LARS1: variants seen among roughly 807,000 people sequenced by gnomAD.
LARS1 encodes the protein leucine--tRNA ligase, cytoplasmic.
LARS1 carries 100 observed loss-of-function variants against 162.8 expected under a neutral mutation model. The observed-to-expected ratio is 0.61, with a 90% confidence interval of 0.52 to 0.73. The LOEUF (loss-of-function observed/expected upper bound fraction) is 0.73, where lower values mean the gene tolerates loss of function less well. Among genes scored for constraint, LARS1 ranks in the 30% least tolerant of loss-of-function variants. The pLI, the probability that LARS1 is intolerant of heterozygous loss-of-function variation, is 0.00. For synonymous variants in LARS1, 457 were observed against 462.8 expected (o/e 0.99, Z 0.16); for missense variants, 1,258 against 1,408.9 (o/e 0.89, Z 1.71).
In LARS1 at chr5:146,160,452, A is replaced by T. The variant is rs1466422858; in HGVS notation, c.629T>A (p.Val210Asp). ...DWRRSFITTD[V>D]NPYYDSFVRW... ...GACAAATGAATCATAGTAAGGATTA[A>T]CATCAGTGGTGATGAAGGAACGACG... Residue 210 changes from valine (V) to aspartate (D), a missense_variant, in exon 7 of 32, where the codon GTT (valine) becomes GAT (aspartate). Physicochemically the swap from Val to Asp is radical, Grantham distance 152. Transcript: ENST00000394434. 1.9e-6 allele frequency: 3 copies of T among 1,577,780 alleles called. No homozygotes were observed. The highest frequency in any genetic ancestry group is 3.9e-5 in the Admixed American group (2 of 51,432).
intron 7 of LARS1, among the ~76,000 whole-genome samples, 175 bp from the exon 8 acceptor site, chr5:146,159,645 A>G (rs1375387291): frequency 6.6e-6 from 1 of 152,088 alleles, no homozygotes; most frequent in African/African-American, 2.4e-5. Context: ...TACTTATTTA[A>G]TGAAAGCTTT....
At chr5:146,161,336 C>T (rs1753767715) in intron 6 of LARS1, among the ~76,000 whole-genome samples, 1 of 152,138 alleles carries the variant, frequency 6.6e-6, no homozygotes, top group East Asian at 1.9e-4. Context: ...ACTAAGACAA[C>T]AATGAAGTTT....
Position 146,113,664 on chromosome 5 carries a change from T to TAA in LARS1, c.*440_*441dup, listed in dbSNP as rs35861595. On this transcript the variant is annotated 3_prime_UTR_variant, in exon 32 of 32. Transcript: ENST00000394434. ...AAATCATCATGAAGTTCTCTTCATTTAAAAAAAAAAGCTGCTAATTTACTA... is the reference window on the plus strand; with the variant it reads ...AAATCATCATGAAGTTCTCTTCATTTAAAAAAAAAAAAGCTGCTAATTTACTA... The TAA allele has an allele frequency of 7.3e-5, 11 of 150,264 alleles. No individual in the cohort carries two copies. The highest frequency in any genetic ancestry group is 2.6e-4 in the Admixed American group (4 of 15,194). The allele number at this position is 150,264 out of a possible 1,614,324, so 9.3% of individuals were successfully genotyped here. A position where few individuals can be genotyped will look rare whatever the true frequency, so the allele number is the denominator to read the frequency against.
chr5:146,117,949 G>C lies in LARS1; in HGVS notation c.3325+2422C>G, dbSNP rs116050820. ...TATAGCCACTATAAAAAACAGTATC[G>C]AGGTTCCTCAAAGTATTAAAAATAG... On this transcript the variant is annotated intron_variant, in intron 31 of 31. Transcript: ENST00000394434. Among the ~76,000 whole-genome samples, 587 of 152,276 alleles carry C rather than the reference G, an allele frequency of 3.9e-3. 6 individuals are homozygous for C. Among genetic ancestry groups the C allele is most frequent in the African/African-American group, 0.013 (523 of 41,550 alleles).
rs201164284 is a variant in LARS1, at chr5:146,124,461, C to CA, written c.2992-376dup. ...TGTGAAAATATCCCTTTAAGTTACC[C>CA]AAAAAAAACAAAATTTTAATTTTCT... is the stretch of plus-strand genomic sequence containing the variant. On this transcript the variant is annotated intron_variant, in intron 28 of 31. Coordinates refer to ENST00000394434, the MANE Select transcript of LARS1 (RefSeq NM_020117.11). Among the ~76,000 whole-genome samples, 465 of 150,524 alleles carry CA rather than the reference C, an allele frequency of 3.1e-3. 1 individual carries two copies. Among genetic ancestry groups the CA allele is most frequent in the Non-Finnish European group, 4.6e-3 (308 of 67,442 alleles).
intron 2 of LARS1, among the ~76,000 whole-genome samples, chr5:146,175,488 G>T (rs1269224004): frequency 1.4e-5 from 2 of 147,584 alleles, no homozygotes; most frequent in African/African-American, 5.0e-5. Context: ...GTTGCAGTGA[G>T]CCGAGATCAT....
Position 146,177,672 on chromosome 5 carries a change from G to A in LARS1, c.7-7C>T. ...TGGCTGTTCCTTTTCTTTCCTATTG[G>A]ACACAAAGAGAATAATCCACTCTGT... On this transcript the variant is annotated splice_region_variant and splice_polypyrimidine_tract_variant and intron_variant, in intron 1 of 31. Coordinates refer to ENST00000394434, the MANE Select transcript of LARS1 (RefSeq NM_020117.11). 2.8e-6 allele frequency: 4 copies of A among 1,431,974 alleles called. No individual in the cohort carries two copies. Among genetic ancestry groups the A allele is most frequent in the Non-Finnish European group, 3.9e-6 (4 of 1,024,630 alleles). The allele number at this position is 1,431,974 out of a possible 1,614,324, so 88.7% of individuals were successfully genotyped here. A position where few individuals can be genotyped will look rare whatever the true frequency, so the allele number is the denominator to read the frequency against.
intron 6 of LARS1, among the ~76,000 whole-genome samples, chr5:146,162,725 C>T (rs1325941551): frequency 6.6e-6 from 1 of 152,226 alleles, no homozygotes; most frequent in Non-Finnish European, 1.5e-5. Flanking sequence ...GCTGTTTTGT[C>T]TACATAGAAA....
chr5:146,181,940 A>T (rs1485518281), intron 1 of LARS1, among the ~76,000 whole-genome samples: 3 of 93,750 alleles, frequency 3.2e-5, no homozygotes, highest in African/African-American at 4.1e-5. Context: ...TTGTTTGTTT[A>T]TTTATTTATT....
At chr5:146,145,124 C>T (rs546198153) in intron 15 of LARS1, among the ~76,000 whole-genome samples, 32 of 152,214 alleles carry the variant, frequency 2.1e-4, no homozygotes, top group East Asian at 1.5e-3. Context: ...GTTACCCAGG[C>T]TGGAGCGCAG....
intron 21 of LARS1, chr5:146,138,101 C>T (rs1414385313): frequency 2.2e-5 from 3 of 136,302 alleles, no homozygotes; most frequent in Non-Finnish European, 3.1e-5. Context: ...GCCCAGGCAA[C>T]AGGGCGAGAC....
chr5:146,178,472 G>A (rs1021283689), intron 1 of LARS1, among the ~76,000 whole-genome samples: 8 of 151,982 alleles, frequency 5.3e-5, no homozygotes, highest in African/African-American at 1.9e-4. Flanking sequence ...AAATTAGCTA[G>A]GCAAGGTGGC....
chr5:146,163,669 G>A (rs1014248635), intron 6 of LARS1, among the ~76,000 whole-genome samples: 2 of 152,158 alleles, frequency 1.3e-5, no homozygotes, highest in Non-Finnish European at 2.9e-5. Flanking sequence ...CTGGGTGACA[G>A]AGCGAGACTC....
chr5:146,160,836 C>T (rs1260599940), intron 6 of LARS1, among the ~76,000 whole-genome samples: 1 of 152,080 alleles, frequency 6.6e-6, no homozygotes, highest in African/African-American at 2.4e-5. Flanking sequence ...TGTCAATATA[C>T]ATTCTAATTC....
In LARS1 at chr5:146,150,005, A is replaced by G. The variant is rs192500064; in HGVS notation, c.1426-306T>C. Among the ~76,000 whole-genome samples the G allele has an allele frequency of 2.1e-3, 325 of 152,288 alleles. 4 individuals are homozygous for G. Among genetic ancestry groups the G allele is most frequent in the African/African-American group, 7.6e-3 (314 of 41,572 alleles). On this transcript the variant is annotated intron_variant, in intron 14 of 31. Transcript: ENST00000394434. ...TAAGTTTCCACATAGACAGACTTCA[A>G]TTACACTCACTCACCTCATTCCTGG...
Position 146,153,722 on chromosome 5 carries a change from T to C in LARS1, c.1230+12A>G. The C allele has an allele frequency of 6.2e-7, 1 of 1,608,094 alleles. No homozygotes were observed. The highest frequency in any genetic ancestry group is 8.5e-7 in the Non-Finnish European group (1 of 1,174,590). On this transcript the variant is annotated intron_variant, in intron 12 of 31. Transcript: ENST00000394434. Reference sequence around the variant, plus strand: ...TGAGGACGAAATACAAACATGAAACTCAGATACTTACTTGCTTTTTCTTCA... The same window carrying C: ...TGAGGACGAAATACAAACATGAAACCCAGATACTTACTTGCTTTTTCTTCA...
chr5:146,122,761 C>T (rs1242433189), intron 29 of LARS1, among the ~76,000 whole-genome samples, 174 bp from the exon 30 acceptor site: 7 of 151,940 alleles, frequency 4.6e-5, no homozygotes, highest in African/African-American at 1.7e-4. Context: ...AGTTATTTAA[C>T]ATTCGTTTTA....
chr5:146,178,356 G>A (rs144220002), intron 1 of LARS1, among the ~76,000 whole-genome samples: 1,729 of 152,258 alleles, frequency 0.011, 12 homozygotes, highest in Non-Finnish European at 0.019. Context: ...GCTCACGCCT[G>A]TAATCCCAGC....
chr5:146,168,698 AT>A (rs1041932658), intron 4 of LARS1, among the ~76,000 whole-genome samples: 2 of 152,136 alleles, frequency 1.3e-5, no homozygotes, highest in African/African-American at 4.8e-5. Flanking sequence ...TCTCAAAAAA[AT>A]AAAATTAAAT....
Sources: gnomAD v4.1 joint callset for allele counts (sites outside exome capture counted in the v4.1 genomes callset) on GRCh38, gnomAD v4.1.1 for gene constraint, MANE v1.5 for transcripts, NCBI Gene and HGNC (gene_info 2026-07-23, HGNC 2026-07-21) for gene names.